USP6NL: variants seen among roughly 807,000 people sequenced by gnomAD.
The protein encoded by USP6NL is USP6 N-terminal like, also known as USP6 N-terminal-like protein.
In USP6NL, 26 loss-of-function variants were observed where a neutral mutation model predicts 61.9. The ratio of observed to expected loss-of-function variants is 0.42; its 90% CI spans 0.31 to 0.58. The LOEUF is 0.58. USP6NL is among the 20% of genes least tolerant of loss of function. The probability of loss-of-function intolerance (pLI) is 0.16; values close to 1 mark genes in which losing one functional copy is unlikely to be tolerated. For synonymous variants in USP6NL, 432 were observed against 390.1 expected, an observed-to-expected ratio of 1.11 and a Z score of -1.27; for missense variants, 1,114 against 1,034.3, an observed-to-expected ratio of 1.08 and a Z score of -1.06.
chr10:11,580,246 T>C (rs922605281), intron 2 of USP6NL, among the ~76,000 whole-genome samples: 4 of 152,190 alleles, frequency 2.6e-5, no homozygotes, highest in Admixed American at 2.0e-4. Flanking sequence ...GATTTGGGTA[T>C]ATCAATAATT....
intron 5 of USP6NL, among the ~76,000 whole-genome samples, chr10:11,512,781 G>T (rs1476565064): frequency 6.6e-6 from 1 of 152,054 alleles, no homozygotes; most frequent in East Asian, 1.9e-4. Context: ...AATGTCCAAC[G>T]CCTGGAACCT....
Position 11,567,962 on chromosome 10 carries a change from T to TTAATGCCCACGCTCTTAGC in USP6NL, c.4+29650_4+29668dup, listed in dbSNP as rs754577621. Among the ~76,000 whole-genome samples the TTAATGCCCACGCTCTTAGC allele has an allele frequency of 1.5e-3, 227 of 152,316 alleles. 1 individual carries two copies. The highest frequency in any genetic ancestry group is 3.4e-3 in the Middle Eastern group (1 of 294). ...AGGATCGAGACCTCTGTCTGTCTGA[T>TTAATGCCCACGCTCTTAGC]TAATGCCCACGCTCTTAGCTAACCA... On this transcript the variant is annotated intron_variant, in intron 2 of 14. Coordinates refer to ENST00000609104, the MANE Select transcript of USP6NL (RefSeq NM_014688.5).
chr10:11,606,390 G>A (rs1427921477), intron 1 of USP6NL, among the ~76,000 whole-genome samples: 1 of 152,150 alleles, frequency 6.6e-6, no homozygotes, highest in East Asian at 1.9e-4. Flanking sequence ...CCACATGGAA[G>A]GTCAGGTAAT....
At chr10:11,572,491 TAAAAAA>T (rs986009469) in intron 2 of USP6NL, among the ~76,000 whole-genome samples, 2 of 144,290 alleles carry the variant, frequency 1.4e-5, no homozygotes, top group African/African-American at 5.1e-5. Context: ...CAAAATGAAA[TAAAAAA>T]AAAAAGACAA....
chr10:11,503,900 T>TA (rs1044022574), intron 6 of USP6NL, among the ~76,000 whole-genome samples: 3 of 152,132 alleles, frequency 2.0e-5, no homozygotes, highest in East Asian at 1.9e-4. Flanking sequence ...TTACAGTTTG[T>TA]AAAAAACAAT....
intron 6 of USP6NL, among the ~76,000 whole-genome samples, chr10:11,505,139 T>C (rs778404949): frequency 2.6e-5 from 4 of 152,138 alleles, no homozygotes; most frequent in Non-Finnish European, 5.9e-5. Flanking sequence ...ACTAATCCTG[T>C]GTGAGAGATG....
intron 3 of USP6NL, among the ~76,000 whole-genome samples, chr10:11,527,095 C>T (rs1034470485): frequency 6.6e-6 from 1 of 151,908 alleles, no homozygotes; most frequent in Non-Finnish European, 1.5e-5. Flanking sequence ...TGTAGAGTCT[C>T]GGCAGGTGTA....
At position 11,462,834 on chromosome 10, in the gene USP6NL, T is replaced by C. The variant is rs777065963; in HGVS notation, c.2094A>G (p.Ile698Met). ...CACCAGTGTCAACAGGGAGGACTTC[T>C]ATTCGACTAGACGGCAGTACAAGGG... is the stretch of plus-strand genomic sequence containing the variant. ...PSPLVLPSSR[I>M]EVLPVDTGAG... Residue 698 changes from isoleucine to methionine, a missense_variant, in exon 15 of 15, where the codon ATA becomes ATG. Ile to Met is a conservative substitution (Grantham distance 10, BLOSUM62 1). Coordinates refer to ENST00000609104, the MANE Select transcript of USP6NL (RefSeq NM_014688.5). 1 of 1,614,006 alleles carries C rather than the reference T, an allele frequency of 6.2e-7. No individual in the cohort carries two copies. Among genetic ancestry groups the C allele is most frequent in the East Asian group, 2.2e-5 (1 of 44,884 alleles).
At chr10:11,555,783 C>CA in intron 2 of USP6NL, among the ~76,000 whole-genome samples, 1 of 152,198 alleles carries the variant, frequency 6.6e-6, no homozygotes, top group African/African-American at 2.4e-5. Flanking sequence ...AGACAACCTT[C>CA]AAATGGGCAG....
At position 11,463,633 on chromosome 10, in the gene USP6NL, C is replaced by T. The variant is rs768275908; in HGVS notation, c.1295G>A (p.Arg432Lys). 1 of 1,614,016 alleles carries T rather than the reference C, an allele frequency of 6.2e-7. No individual in the cohort carries two copies. Among genetic ancestry groups the T allele is most frequent in the South Asian group, 1.1e-5 (1 of 91,084 alleles). Residue 432 changes from arginine to lysine, a missense_variant, in exon 15 of 15, where the codon AGA becomes AAA. Coordinates refer to ENST00000609104, the MANE Select transcript of USP6NL (RefSeq NM_014688.5). This position sits in a 1 kb window ranked among gnomAD's most constrained non-coding sequence, Gnocchi z 6.3. ...GCTCTCCTCCTCCACCGATTTCCGT[C>T]TTGGCGGCTGTGCTCTCTCGGGCGT... ...TGTPERAQPP[R>K]RKSVEEESKK...
intron 1 of USP6NL, among the ~76,000 whole-genome samples, chr10:11,609,871 A>G (rs981772340): frequency 6.6e-6 from 1 of 152,228 alleles, no homozygotes; most frequent in Non-Finnish European, 1.5e-5. Context: ...AACCAAAGTC[A>G]GTCCCCAGTA....
intron 1 of USP6NL, among the ~76,000 whole-genome samples, chr10:11,608,828 G>A (rs1838788547): frequency 6.6e-6 from 1 of 152,200 alleles, no homozygotes; most frequent in Non-Finnish European, 1.5e-5. Flanking sequence ...ATTTGCATGA[G>A]GTGATACGAC....
chr10:11,492,998 C>T (rs1218635421), intron 8 of USP6NL, 121 bp downstream of exon 8: 1 of 787,390 alleles, frequency 1.3e-6, no homozygotes, highest in Non-Finnish European at 1.9e-6. Context: ...AAATGATCTG[C>T]AAAAGCTTAA....
At chr10:11,512,109 A>C (rs116296107) in intron 5 of USP6NL, among the ~76,000 whole-genome samples, 242 of 152,322 alleles carry the variant, frequency 1.6e-3, no homozygotes, top group African/African-American at 5.5e-3. Flanking sequence ...AAGTGCCCCC[A>C]AAAAATAAGC....
At chr10:11,544,981 AAT>A (rs1202028556) in intron 2 of USP6NL, among the ~76,000 whole-genome samples, 1 of 152,250 alleles carries the variant, frequency 6.6e-6, no homozygotes, top group Non-Finnish European at 1.5e-5. Context: ...CAAGGCTCAG[AAT>A]AGTTACACAC....
At position 11,463,451 on chromosome 10, in the gene USP6NL, C is replaced by T. The variant is rs769305218; in HGVS notation, c.1477G>A (p.Val493Ile). The T allele has an allele frequency of 4.3e-6, 7 of 1,613,944 alleles. No individual in the cohort carries two copies. Among genetic ancestry groups the T allele is most frequent in the Admixed American group, 3.3e-5 (2 of 60,006 alleles). ...TTGGCAGTTCTCTCTGTAGCTGAGA[C>T]GTCTGACGGTTTATTCCATTTGGGC... ...FVPKWNKPSD[V>I]SATERTAKYT... The change falls in exon 15 of 15, where the codon GTC becomes ATC. Residue 493 changes from valine to isoleucine, a missense_variant. Physicochemically the swap from Val to Ile is conservative, Grantham distance 29. Coordinates refer to ENST00000609104, the MANE Select transcript of USP6NL (RefSeq NM_014688.5). This position sits in a 1 kb window ranked among gnomAD's most constrained non-coding sequence, Gnocchi z 6.3.
Position 11,462,536 on chromosome 10 carries a change from T to C in USP6NL, c.2392A>G (p.Ser798Gly), listed in dbSNP as rs1369635450. 2.5e-6 allele frequency: 4 copies of C among 1,614,058 alleles called. No individual in the cohort carries two copies. The highest frequency in any genetic ancestry group is 3.4e-6 in the Non-Finnish European group (4 of 1,179,898). The change falls in exon 15 of 15, where the codon AGT becomes GGT. Residue 798 changes from serine to glycine, a missense_variant. Ser to Gly is a moderately conservative substitution (Grantham distance 56). Coordinates refer to ENST00000609104, the MANE Select transcript of USP6NL (RefSeq NM_014688.5). ...CCTGAATATGGATATCCAGATGGAC[T>C]GGCATCTTCTGCGGCCGGTGAAGCT... ...YKASPAAEDASPSGYPYSGPP... is the reference protein window; with the variant it reads ...YKASPAAEDAGPSGYPYSGPP...
Position 11,463,299 on chromosome 10 carries a change from C to G in USP6NL, c.1629G>C (p.Lys543Asn). ...CGTACTGCGATGCAGTGGAGCCCCG[C>G]TTCCCGTCCTCAGCATCCAGGGCCT... ...KMKALDAEDG[K>N]RGSTASQYDN... Residue 543 changes from lysine to asparagine, a missense_variant, in exon 15 of 15, where the codon AAG (lysine) becomes AAC (asparagine). Physicochemically the swap from Lys to Asn is moderately conservative, Grantham distance 94. Coordinates refer to ENST00000609104, the MANE Select transcript of USP6NL (RefSeq NM_014688.5). The surrounding 1 kb of genome is among the most constrained non-coding windows in gnomAD (Gnocchi z 6.3). 1.2e-6 allele frequency: 2 copies of G among 1,613,902 alleles called. No individual in the cohort carries two copies. The highest frequency in any genetic ancestry group is 1.7e-6 in the Non-Finnish European group (2 of 1,179,890).
chr10:11,534,374 A>G (rs1475277448), intron 2 of USP6NL, among the ~76,000 whole-genome samples: 1 of 152,246 alleles, frequency 6.6e-6, no homozygotes, highest in African/African-American at 2.4e-5. Flanking sequence ...TACACAAAAT[A>G]AGAAAGAGAG....
Sources: allele counts gnomAD v4.1 joint callset (sites outside exome capture counted in the v4.1 genomes callset), GRCh38; gene constraint gnomAD v4.1.1; non-coding constraint Gnocchi (gnomAD v3.1); transcripts MANE v1.5; gene names NCBI Gene and HGNC (gene_info 2026-07-23, HGNC 2026-07-21).